The following RBM20 variants were observed in gnomAD, a reference collection of about 807,000 sequenced individuals.
RBM20 encodes RNA-binding protein 20.
A neutral mutation model predicts 110.1 loss-of-function variants in RBM20; 51 were observed. The observed-to-expected ratio is 0.46, with a 90% confidence interval of 0.37 to 0.59. The LOEUF (loss-of-function observed/expected upper bound fraction) is 0.59, where lower values mean the gene tolerates loss of function less well. RBM20 is among the 20% of genes least tolerant of loss of function. RBM20 has a pLI of 0.00. For synonymous variants in RBM20, 589 were observed against 618.2 expected (o/e 0.95, Z 0.70); for missense variants, 1,512 against 1,574.9 (o/e 0.96, Z 0.68).
chr10:110,693,654 G>A (rs1862621268), intron 1 of RBM20, among the ~76,000 whole-genome samples: 1 of 152,172 alleles, frequency 6.6e-6, no homozygotes, highest in African/African-American at 2.4e-5. Flanking sequence ...AAAGTACCAA[G>A]GAACATGAGG....
chr10:110,810,569 C>G (rs1844752588), intron 8 of RBM20, 107 bp downstream of exon 8: 1 of 704,114 alleles, frequency 1.4e-6, no homozygotes, highest in Admixed American at 2.9e-5. Context: ...TGTTCTTGCC[C>G]CTACCCCATC....
chr10:110,718,604 C>A (rs1262907190), intron 1 of RBM20, among the ~76,000 whole-genome samples: 1 of 133,826 alleles, frequency 7.5e-6, no homozygotes, highest in Non-Finnish European at 1.6e-5. Flanking sequence ...AATTCTACTC[C>A]ATTCTTTTTT....
intron 1 of RBM20, among the ~76,000 whole-genome samples, chr10:110,763,968 T>C (rs1011025171): frequency 6.6e-6 from 1 of 152,100 alleles, no homozygotes; most frequent in Non-Finnish European, 1.5e-5. Context: ...CCCTCAGTTC[T>C]GACAACAAAC....
At chr10:110,831,677 A>AAAAC (rs1554844399) in intron 13 of RBM20, among the ~76,000 whole-genome samples, 1 of 139,722 alleles carries the variant, frequency 7.2e-6, no homozygotes, top group Non-Finnish European at 1.6e-5. Flanking sequence ...AAAAAAAAAA[A>AAAAC]AAAAAAAAAA....
intron 1 of RBM20, among the ~76,000 whole-genome samples, chr10:110,779,959 T>C (rs1844315525): frequency 6.6e-6 from 1 of 152,166 alleles, no homozygotes; most frequent in Non-Finnish European, 1.5e-5. Flanking sequence ...CATTAGAGCA[T>C]ATAGATTTTC....
chr10:110,659,574 A>G (rs1327435281), intron 1 of RBM20, among the ~76,000 whole-genome samples: 2 of 152,194 alleles, frequency 1.3e-5, no homozygotes, highest in Admixed American at 1.3e-4. Flanking sequence ...TCCAAATAGG[A>G]TAAATGGTGG....
intron 1 of RBM20, chr10:110,756,762 T>C (rs2134994717): frequency 6.6e-6 from 1 of 152,356 alleles, no homozygotes; most frequent in East Asian, 1.9e-4. Flanking sequence ...TGTCACGATA[T>C]ATGCATCAGA....
intron 1 of RBM20, among the ~76,000 whole-genome samples, chr10:110,680,830 G>C (rs12355792): frequency 0.68 from 103,333 of 152,032 alleles, 37,409 homozygotes; most frequent in Non-Finnish European, 0.8. Context: ...GCTGCTTCTT[G>C]CTGGGGACAG....
rs794729147 is a variant in RBM20 at position 110,799,887 on chromosome 10, T to G, written c.1769T>G (p.Met590Arg). ...AATGGTGAGAAGTTGCTCATTCGGA[T>G]GTCCAAGAGATACAAGGAATTGCAG... ...VINGEKLLIR[M>R]SKRYKELQLK... Residue 590 changes from methionine to arginine, a missense_variant, in exon 7 of 14, where the codon ATG becomes AGG. By Grantham distance (91) the Met-to-Arg change is moderately conservative (BLOSUM62 -1). This residue lies in a region of RBM20 where 1,149 missense variants were observed against 1,169.4 expected (regional missense o/e 0.98). Transcript: ENST00000369519. 1.3e-6 allele frequency: 2 copies of G among 1,552,146 alleles called. No homozygotes were observed. Among genetic ancestry groups the G allele is most frequent in the South Asian group, 1.2e-5 (1 of 84,062 alleles).
intron 1 of RBM20, among the ~76,000 whole-genome samples, chr10:110,705,895 AC>A (rs1226644148): frequency 3.3e-5 from 5 of 152,072 alleles, no homozygotes; most frequent in Non-Finnish European, 7.4e-5. Context: ...ATCCTGGCCA[AC>A]ATGGTGAAAC....
At chr10:110,818,338 A>C (rs926980141) in intron 9 of RBM20, among the ~76,000 whole-genome samples, 1 of 151,158 alleles carries the variant, frequency 6.6e-6, no homozygotes, top group Non-Finnish European at 1.5e-5. Context: ...GGATGTGATC[A>C]TTTTTGCATT....
chr10:110,736,987 C>T (rs1021225189), intron 1 of RBM20, among the ~76,000 whole-genome samples: 1 of 151,470 alleles, frequency 6.6e-6, no homozygotes, highest in South Asian at 2.1e-4. Flanking sequence ...CCAGCCTGGC[C>T]AACGTGGTGA....
chr10:110,833,327 T>A (rs867402172), intron 13 of RBM20, among the ~76,000 whole-genome samples: 3 of 134,608 alleles, frequency 2.2e-5, no homozygotes, highest in Non-Finnish European at 4.6e-5. Flanking sequence ...AGGTGGAGCT[T>A]GCAGTGAGCC....
At chr10:110,817,707 C>A (rs1819382757) in intron 9 of RBM20, among the ~76,000 whole-genome samples, 1 of 152,304 alleles carries the variant, frequency 6.6e-6, no homozygotes, top group East Asian at 1.9e-4. Flanking sequence ...TAAATCTGAG[C>A]CTTCTCAGGG....
intron 7 of RBM20, among the ~76,000 whole-genome samples, chr10:110,804,028 A>G (rs1003685754): frequency 2.0e-5 from 3 of 152,112 alleles, no homozygotes; most frequent in Non-Finnish European, 2.9e-5. Flanking sequence ...TCTAGGTGGC[A>G]TGATGGCTAC....
intron 1 of RBM20, 83 bp from the exon 2 acceptor site, chr10:110,780,718 G>C: frequency 7.0e-7 from 1 of 1,420,514 alleles, no homozygotes; most frequent in East Asian, 2.5e-5. Flanking sequence ...TATGTGGGAG[G>C]GGGGACCACA....
At chr10:110,726,522 T>C (rs1843562129) in intron 1 of RBM20, among the ~76,000 whole-genome samples, 1 of 152,192 alleles carries the variant, frequency 6.6e-6, no homozygotes, top group Admixed American at 6.5e-5. Context: ...ACCCACTGGA[T>C]ATGGGATCAT....
At chr10:110,748,179 A>G (rs1209779114) in intron 1 of RBM20, among the ~76,000 whole-genome samples, 1 of 152,180 alleles carries the variant, frequency 6.6e-6, no homozygotes, top group African/African-American at 2.4e-5. Context: ...GCGAAAAGGC[A>G]TTTCCTGAGA....
intron 1 of RBM20, among the ~76,000 whole-genome samples, chr10:110,655,685 G>A (rs1288026474): frequency 6.6e-6 from 1 of 152,218 alleles, no homozygotes; most frequent in Non-Finnish European, 1.5e-5. Flanking sequence ...CATCTTTGCA[G>A]ACATTGTTAC....
Sources: gnomAD v4.1 joint callset for allele counts (sites outside exome capture counted in the v4.1 genomes callset) on GRCh38, gnomAD v4.1.1 for gene constraint, gnomAD v4.1.1 regional missense constraint, MANE v1.5 for transcripts, NCBI Gene and HGNC (gene_info 2026-07-23, HGNC 2026-07-21) for gene names.